Variants in PLCE1 observed in about 807,000 individuals in gnomAD.
PLCE1 encodes the protein 1-phosphatidylinositol 4,5-bisphosphate phosphodiesterase epsilon-1.
Under a neutral mutation model 242.8 loss-of-function variants are expected in PLCE1, and 119 were observed. The observed-to-expected ratio is 0.49, with a 90% confidence interval of 0.42 to 0.57. The LOEUF is 0.57. Among genes scored for constraint, PLCE1 ranks in the 20% least tolerant of loss-of-function variants. PLCE1 has a pLI of 0.00. For missense variants in PLCE1, 2,441 were observed against 2,788.8 expected (o/e 0.88, Z 2.81); for synonymous variants, 945 against 1,017.4 (o/e 0.93, Z 1.35).
At position 94,298,245 on chromosome 10, in the gene PLCE1, C is replaced by T; in HGVS notation, c.5168-134C>T. The T allele has an allele frequency of 1.3e-6, 1 of 789,160 alleles. No homozygotes were observed. Among genetic ancestry groups the T allele is most frequent in the Admixed American group, 2.2e-5 (1 of 45,746 alleles). 48.9% of individuals were successfully genotyped at this position (789,160 alleles called of 1,614,324 possible). On this transcript the variant is annotated intron_variant, in intron 23 of 32. Transcript: ENST00000371380. This position sits in a 1 kb window ranked among gnomAD's most constrained non-coding sequence, Gnocchi z 5.2. ...TGTTTTAAAGTGGCGAACTAACTCA[C>T]AAGTAAAATCCAAGAGGTATTCTGA... is the stretch of plus-strand genomic sequence containing the variant.
rs2061543387 is a variant in PLCE1, at chr10:94,030,850, A to G, written c.-197A>G. 3 of 607,940 alleles carry G rather than the reference A, an allele frequency of 4.9e-6. No homozygotes were observed. Among genetic ancestry groups the G allele is most frequent in the Non-Finnish European group, 8.6e-6 (3 of 347,116 alleles). 37.7% of individuals were successfully genotyped at this position (607,940 alleles called of 1,614,324 possible). ...AAACCCTGATCTAGAAAAAATATAT[A>G]TTCATGATAGGAAGTTATAACTAAG... On this transcript the variant is annotated 5_prime_UTR_variant, in exon 2 of 33. In the 5' UTR this introduces an upstream ATG that the reference lacks. Transcript: ENST00000371380.
At chr10:94,017,623 T>C (rs1170610840) in intron 1 of PLCE1, among the ~76,000 whole-genome samples, 1 of 152,200 alleles carries the variant, frequency 6.6e-6, no homozygotes, top group Non-Finnish European at 1.5e-5. Flanking sequence ...GGTGTTGGTG[T>C]TGATTATAAT....
At chr10:93,996,470 A>T (rs1478848916) in intron 1 of PLCE1, among the ~76,000 whole-genome samples, 1 of 152,130 alleles carries the variant, frequency 6.6e-6, no homozygotes, top group Non-Finnish European at 1.5e-5. Context: ...GGTTTTAGGG[A>T]AGCATGTGAT....
chr10:94,082,017 A>G (rs1266334909), intron 2 of PLCE1: 5 of 152,242 alleles, frequency 3.3e-5, no homozygotes, highest in African/African-American at 1.2e-4. Flanking sequence ...CCTTATAAGT[A>G]TGAAACAGTT....
chr10:94,245,153 C>T (rs1210637064), intron 7 of PLCE1, among the ~76,000 whole-genome samples: 2 of 152,224 alleles, frequency 1.3e-5, no homozygotes, highest in South Asian at 2.1e-4. Flanking sequence ...ATGAAAATCC[C>T]AGGTATAAAG....
intron 21 of PLCE1, among the ~76,000 whole-genome samples, 193 bp downstream of exon 21, chr10:94,284,104 TC>T (rs1160140085): frequency 1.3e-5 from 2 of 152,188 alleles, no homozygotes; most frequent in African/African-American, 4.8e-5. Flanking sequence ...CACTGATTCA[TC>T]CAGCCAATAC....
chr10:94,028,793 A>T (rs1589878853), intron 1 of PLCE1, among the ~76,000 whole-genome samples: 1 of 152,198 alleles, frequency 6.6e-6, no homozygotes, highest in South Asian at 2.1e-4. Flanking sequence ...TACAAAAAAT[A>T]CAAAAATTAG....
chr10:94,006,292 G>A (rs1223586), intron 1 of PLCE1, among the ~76,000 whole-genome samples: 83,091 of 152,080 alleles, frequency 0.55, 23,759 homozygotes, highest in East Asian at 0.75. Context: ...AATATCATCT[G>A]TTATTACGAA....
intron 27 of PLCE1, among the ~76,000 whole-genome samples, chr10:94,312,540 A>G (rs1385653281): frequency 6.6e-6 from 1 of 152,202 alleles, no homozygotes; most frequent in African/African-American, 2.4e-5. Flanking sequence ...GATTTGGTTC[A>G]GATACCATTT....
intron 12 of PLCE1, 29 bp from the exon 13 acceptor site, chr10:94,258,985 A>G (rs1024074666): frequency 1.1e-5 from 17 of 1,613,908 alleles, no homozygotes; most frequent in Middle Eastern, 1.6e-4. Flanking sequence ...AAGATACTCA[A>G]TGAGAGGTGT....
chr10:94,218,935 AT>A (rs1007235627), intron 4 of PLCE1, among the ~76,000 whole-genome samples: 11 of 147,164 alleles, frequency 7.5e-5, no homozygotes, highest in African/African-American at 2.7e-4. Flanking sequence ...TTTAATTATA[AT>A]TATATTATTA....
intron 4 of PLCE1, among the ~76,000 whole-genome samples, chr10:94,203,670 C>G (rs944109599): frequency 6.6e-6 from 1 of 152,138 alleles, no homozygotes; most frequent in Non-Finnish European, 1.5e-5. Context: ...TGGAGTTGAG[C>G]CTACATAAGC....
At chr10:94,090,101 G>A (rs1221760261) in intron 2 of PLCE1, among the ~76,000 whole-genome samples, 1 of 151,882 alleles carries the variant, frequency 6.6e-6, no homozygotes, top group African/African-American at 2.4e-5. Flanking sequence ...AAGATTAGCT[G>A]AAGAAGAGGT....
chr10:94,018,093 T>C (rs2061312690), intron 1 of PLCE1, among the ~76,000 whole-genome samples: 1 of 152,174 alleles, frequency 6.6e-6, no homozygotes, highest in Non-Finnish European at 1.5e-5. Context: ...AGAGTACTGG[T>C]TTGAAAAAGC....
intron 23 of PLCE1, among the ~76,000 whole-genome samples, chr10:94,294,188 T>C (rs1481902025): frequency 2.0e-5 from 3 of 152,200 alleles, no homozygotes; most frequent in Admixed American, 2.0e-4. Context: ...GAGTAAAAAT[T>C]AGAGGCACCT....
chr10:94,056,950 A>G (rs1028934684), intron 2 of PLCE1, among the ~76,000 whole-genome samples: 1 of 152,066 alleles, frequency 6.6e-6, no homozygotes, highest in African/African-American at 2.4e-5. Context: ...TAATGTTTCT[A>G]AGGTTCATCA....
At position 94,234,268 on chromosome 10, in the gene PLCE1, A is replaced by C. The variant is rs763394762; in HGVS notation, c.2170A>C (p.Met724Leu). Residue 724 changes from methionine to leucine, a missense_variant, in exon 6 of 33, where the codon ATG (methionine) becomes CTG (leucine). Coordinates refer to ENST00000371380, the MANE Select transcript of PLCE1 (RefSeq NM_016341.4). ...CEVLDGASGL[M>L]KLCPRYNSQE... ...AGTGCTTGACGGCGCCTCCGGTCTC[A>C]TGAAGCTTTGCCCGCGGTACAATTC... 2.3e-5 allele frequency: 37 copies of C among 1,614,040 alleles called. No individual in the cohort carries two copies. Among genetic ancestry groups the C allele is most frequent in the Non-Finnish European group, 3.0e-5 (35 of 1,180,024 alleles).
At chr10:94,258,335 T>C (rs2051174999) in intron 11 of PLCE1, among the ~76,000 whole-genome samples, 1 of 152,212 alleles carries the variant, frequency 6.6e-6, no homozygotes, top group African/African-American at 2.4e-5. Context: ...TGTTTTCATC[T>C]AAGGACTGGT....
In PLCE1 at chr10:94,235,899, C is replaced by T. The variant is rs539628203; in HGVS notation, c.2215-16C>T. The T allele has an allele frequency of 3.1e-6, 5 of 1,605,990 alleles. No homozygotes were observed. Among genetic ancestry groups the T allele is most frequent in the East Asian group, 2.2e-5 (1 of 44,824 alleles). ...ATATTAAGTTGCAATAGCAAATTCT[C>T]GATTTTTTTTTGTAGTTTGTAGCAG... On this transcript the variant is annotated splice_polypyrimidine_tract_variant and intron_variant, in intron 6 of 32. Transcript: ENST00000371380.
Sources: allele counts gnomAD v4.1 joint callset (sites outside exome capture counted in the v4.1 genomes callset), GRCh38; gene constraint gnomAD v4.1.1; non-coding constraint Gnocchi (gnomAD v3.1); transcripts MANE v1.5; gene names NCBI Gene and HGNC (gene_info 2026-07-23, HGNC 2026-07-21).